KAZN: variants seen among roughly 807,000 people sequenced by gnomAD.
KAZN encodes kazrin, periplakin interacting protein.
Under a neutral mutation model 87.4 loss-of-function variants are expected in KAZN, and 40 were observed. The ratio of observed to expected loss-of-function variants is 0.46; its 90% confidence interval spans 0.36 to 0.60. The LOEUF (loss-of-function observed/expected upper bound fraction) is 0.60, where lower values mean the gene tolerates loss of function less well. Among genes scored for constraint, KAZN ranks in the 20% least tolerant of loss-of-function variants. The pLI is 0.00. For synonymous variants in KAZN, 466 were observed against 458.3 expected, an observed-to-expected ratio of 1.02 and a Z score of -0.22; for missense variants, 898 against 1,073.9, an observed-to-expected ratio of 0.84 and a Z score of 2.29.
intron 1 of KAZN, among the ~76,000 whole-genome samples, chr1:13,983,484 C>T (rs561503185): frequency 6.6e-6 from 1 of 152,256 alleles, no homozygotes; most frequent in Non-Finnish European, 1.5e-5. Context: ...CCCACGACCA[C>T]CTGGAACTCT....
intron 2 of KAZN, among the ~76,000 whole-genome samples, chr1:14,558,629 G>C (rs869822): frequency 0.01 from 1,587 of 152,262 alleles, 24 homozygotes; most frequent in African/African-American, 0.035. Context: ...TATATCTTCA[G>C]TATAAAAGAG....
chr1:13,916,811 G>A (rs1489508907), intron 1 of KAZN, among the ~76,000 whole-genome samples: 2 of 152,114 alleles, frequency 1.3e-5, no homozygotes, highest in Non-Finnish European at 2.9e-5. Context: ...TGTGGCTGGA[G>A]GCAATGTGGC....
rs190334489 is a variant in KAZN at position 14,826,923 on chromosome 1, C to T, written c.227-133761C>T. On this transcript the variant is annotated intron_variant, in intron 1 of 14. Coordinates refer to ENST00000376030, the MANE Select transcript of KAZN (RefSeq NM_201628.3). ...ACCAAATGGGGTTCAGATCCTGGCT[C>T]GGCGGCTGTGTGATGTGGGGTTAGC... is the stretch of plus-strand genomic sequence containing the variant. 4.1e-3 allele frequency among the ~76,000 whole-genome samples: 625 copies of T among 152,254 alleles called. 4 individuals are homozygous for T. The highest frequency in any genetic ancestry group is 0.013 in the African/African-American group (553 of 41,550).
At chr1:14,422,142 C>A (rs950774504) in intron 2 of KAZN, among the ~76,000 whole-genome samples, 2 of 152,118 alleles carry the variant, frequency 1.3e-5, no homozygotes, top group African/African-American at 4.8e-5. Flanking sequence ...ATAGGCAAAT[C>A]GCTATTTTAC....
At chr1:15,040,117 G>T (rs1030559328) in intron 3 of KAZN, among the ~76,000 whole-genome samples, 1 of 152,200 alleles carries the variant, frequency 6.6e-6, no homozygotes, top group Non-Finnish European at 1.5e-5. Context: ...GTCCGCAAGG[G>T]TCAAGTGACT....
chr1:14,933,054 T>C (rs1382450823), intron 1 of KAZN, among the ~76,000 whole-genome samples: 1 of 152,130 alleles, frequency 6.6e-6, no homozygotes, highest in Non-Finnish European at 1.5e-5. Flanking sequence ...GTACCTCATC[T>C]AAGTAGGATC....
intron 1 of KAZN, among the ~76,000 whole-genome samples, chr1:14,097,454 C>A (rs1038702270): frequency 6.6e-6 from 1 of 152,136 alleles, no homozygotes; most frequent in South Asian, 2.1e-4. Flanking sequence ...CCACACTGGA[C>A]CATAGAGTGA....
chr1:14,387,056 ATTCAT>A (rs1259088146), intron 2 of KAZN, among the ~76,000 whole-genome samples: 4 of 151,870 alleles, frequency 2.6e-5, no homozygotes, highest in South Asian at 2.1e-4. Context: ...GCTTCATTTC[ATTCAT>A]TTCATCTTCC....
chr1:14,791,092 T>A (rs1205583285), intron 1 of KAZN, among the ~76,000 whole-genome samples: 3 of 152,214 alleles, frequency 2.0e-5, no homozygotes, highest in Non-Finnish European at 4.4e-5. Flanking sequence ...CTTGCTTACA[T>A]TGTGCTTAAC....
intron 1 of KAZN, among the ~76,000 whole-genome samples, chr1:13,961,360 T>C (rs28712362): frequency 0.13 from 19,773 of 152,186 alleles, 1,496 homozygotes; most frequent in Middle Eastern, 0.22. Context: ...GTTTGCATTC[T>C]AGTGAGGAGA....
At chr1:14,190,996 G>C (rs767110218) in intron 2 of KAZN, among the ~76,000 whole-genome samples, 23 of 152,194 alleles carry the variant, frequency 1.5e-4, no homozygotes, top group Non-Finnish European at 2.6e-4. Flanking sequence ...AAGTGGTCTA[G>C]TCATGTTCTC....
At chr1:14,268,689 A>G (rs1461281337) in intron 2 of KAZN, among the ~76,000 whole-genome samples, 1 of 152,200 alleles carries the variant, frequency 6.6e-6, no homozygotes, top group Non-Finnish European at 1.5e-5. Context: ...TGCGACCATG[A>G]AACCAGAATT....
At chr1:14,126,638 A>AT (rs921010344) in intron 1 of KAZN, among the ~76,000 whole-genome samples, 10 of 151,568 alleles carry the variant, frequency 6.6e-5, no homozygotes, top group Non-Finnish European at 1.0e-4. Context: ...GATAATAATA[A>AT]AAAAAAATAA....
At chr1:14,198,025 A>ACGGT (rs1553143227) in intron 2 of KAZN, among the ~76,000 whole-genome samples, 2 of 151,914 alleles carry the variant, frequency 1.3e-5, no homozygotes, top group Non-Finnish European at 2.9e-5. Flanking sequence ...AATCATAGTA[A>ACGGT]CAGAGTAGTA....
intron 1 of KAZN, among the ~76,000 whole-genome samples, chr1:14,730,842 G>A (rs1643646275): frequency 6.6e-6 from 1 of 152,094 alleles, no homozygotes; most frequent in African/African-American, 2.4e-5. Context: ...GACCCAGGTG[G>A]CTCTAATCTC....
rs760155816 is a variant in KAZN, at chr1:15,107,298, C to CT, written c.2048+3111dup. Among the ~76,000 whole-genome samples, 20 of 152,278 alleles carry CT rather than the reference C, an allele frequency of 1.3e-4. No homozygotes were observed. The South Asian group carries it at 1.5e-3, about 11-fold the overall frequency. Reference sequence around the variant, plus strand: ...GTGTGGAGTTCCAGCCCAGGGCCTGCTTCCACTCCAGGTTTTCTCTCTTTC... The same window carrying CT: ...GTGTGGAGTTCCAGCCCAGGGCCTGCTTTCCACTCCAGGTTTTCTCTCTTTC... On this transcript the variant is annotated intron_variant, in intron 13 of 14. Transcript: ENST00000376030.
intron 1 of KAZN, among the ~76,000 whole-genome samples, chr1:14,022,527 AAAG>A (rs1191233630): frequency 1.3e-5 from 2 of 150,622 alleles, no homozygotes; most frequent in Non-Finnish European, 3.0e-5. Flanking sequence ...AAAAAAGAAA[AAAG>A]AAATAAAAAT....
Position 14,184,380 on chromosome 1 carries a change from T to C in KAZN, c.249+3788T>C, listed in dbSNP as rs1646261021. On this transcript the variant is annotated intron_variant, in intron 2 of 16. Transcript: ENST00000636203. The surrounding 1 kb of genome is among the most constrained non-coding windows in gnomAD (Gnocchi z 4.2). ...TTAGCTGAGATGTGGAATTACATTC[T>C]GCATTTTTCACTTCCTTCTCTTCCT... is the stretch of plus-strand genomic sequence containing the variant. Among the ~76,000 whole-genome samples, 1 of 152,182 alleles carries C rather than the reference T, an allele frequency of 6.6e-6. No individual in the cohort carries two copies. Among genetic ancestry groups the C allele is most frequent in the Non-Finnish European group, 1.5e-5 (1 of 68,030 alleles).
chr1:14,343,834 A>T (rs911595355), intron 2 of KAZN, among the ~76,000 whole-genome samples: 1 of 152,112 alleles, frequency 6.6e-6, no homozygotes, highest in East Asian at 1.9e-4. Context: ...CTCTCCTTTC[A>T]TTTCCTTCGG....
Sources: allele counts gnomAD v4.1 joint callset (sites outside exome capture counted in the v4.1 genomes callset), GRCh38; gene constraint gnomAD v4.1.1; non-coding constraint Gnocchi (gnomAD v3.1); transcripts MANE v1.5; gene names NCBI Gene and HGNC (gene_info 2026-07-23, HGNC 2026-07-21).